SV2B: variants seen among roughly 807,000 people sequenced by gnomAD.
The protein encoded by SV2B is synaptic vesicle glycoprotein 2B.
In SV2B, 41 loss-of-function variants were observed where a neutral mutation model predicts 73.9. The ratio of observed to expected loss-of-function variants is 0.56; its 90% CI spans 0.43 to 0.72. SV2B has a LOEUF of 0.72. Ranked by LOEUF, SV2B falls within the 30% of genes least tolerant of loss-of-function variation. The pLI is 0.00. For missense variants in SV2B, 764 were observed against 857.8 expected (o/e 0.89, Z 1.37); for synonymous variants, 314 against 314.2 (o/e 1.00, Z 0.01).
In SV2B at chr15:91,252,955, G is replaced by A. The variant is rs1430100799; in HGVS notation, c.784+435G>A. On this transcript the variant is annotated intron_variant, in intron 4 of 12. Transcript: ENST00000394232. This position sits in a 1 kb window ranked among gnomAD's most constrained non-coding sequence, Gnocchi z 4.6. The stretch of plus-strand genomic sequence containing the variant: ...CCATGTCCCTGGCATGTGGTGGAGT[G>A]GGGGCTGGAGTCCTGATGTCCCCTC... Among the ~76,000 whole-genome samples the A allele has an allele frequency of 6.6e-6, 1 of 152,174 alleles. No homozygotes were observed. The highest frequency in any genetic ancestry group is 1.5e-5 in the Non-Finnish European group (1 of 68,034).
chr15:91,284,116 G>T lies in SV2B; in HGVS notation c.1603G>T (p.Asp535Tyr). Residue 535 changes from aspartate to tyrosine, a missense_variant, in exon 11 of 13, where the codon GAC (aspartate) becomes TAC (tyrosine). Transcript: ENST00000394232. The surrounding 1 kb of genome is among the most constrained non-coding windows in gnomAD (Gnocchi z 4.5). ...GCHMDLEQDNDFLIYLVSFLG... is the reference protein window; with the variant it reads ...GCHMDLEQDNYFLIYLVSFLG... Reference sequence around the variant, plus strand: ...CCACATGGACTTGGAGCAAGATAATGACTTCCTGATTTACCTCGTCAGCTT... The same window carrying T: ...CCACATGGACTTGGAGCAAGATAATTACTTCCTGATTTACCTCGTCAGCTT... 9.9e-6 allele frequency: 16 copies of T among 1,614,178 alleles called. No individual in the cohort carries two copies. The highest frequency in any genetic ancestry group is 1.4e-5 in the Non-Finnish European group (16 of 1,180,040).
chr15:91,198,124 G>T (rs960319683), intron 1 of SV2B, among the ~76,000 whole-genome samples: 2 of 152,182 alleles, frequency 1.3e-5, no homozygotes, highest in Non-Finnish European at 2.9e-5. Context: ...GTGAGGAAAA[G>T]AAAGGAGCCA....
chr15:91,246,783 C>A (rs559834442), intron 2 of SV2B, among the ~76,000 whole-genome samples: 1 of 151,798 alleles, frequency 6.6e-6, no homozygotes, highest in Non-Finnish European at 1.5e-5. Flanking sequence ...CTGCAAGTAG[C>A]AATCCTGGTT....
intron 1 of SV2B, among the ~76,000 whole-genome samples, chr15:91,199,304 C>T (rs565450362): frequency 1.2e-4 from 18 of 152,212 alleles, no homozygotes; most frequent in Non-Finnish European, 1.3e-4. Context: ...TAGGGAGTGA[C>T]CGGCAGTGAG....
Position 91,284,016 on chromosome 15 carries a change from C to T in SV2B, c.1508-5C>T. 6.2e-7 allele frequency: 1 copy of T among 1,614,130 alleles called. No individual in the cohort carries two copies. Among genetic ancestry groups the T allele is most frequent in the Non-Finnish European group, 8.5e-7 (1 of 1,180,014 alleles). On this transcript the variant is annotated splice_polypyrimidine_tract_variant and splice_region_variant and intron_variant, in intron 10 of 12. Coordinates refer to ENST00000394232, the MANE Select transcript of SV2B (RefSeq NM_001323032.3). This position sits in a 1 kb window ranked among gnomAD's most constrained non-coding sequence, Gnocchi z 4.5. ...CATGAACCGAAGGTTTCCTTCTCTCCCCAGACCTCTACGAGCACAAGTTCA... is the reference window on the plus strand; with the variant it reads ...CATGAACCGAAGGTTTCCTTCTCTCTCCAGACCTCTACGAGCACAAGTTCA...
At chr15:91,158,712 T>TTCCCTTC (rs2043596545) in intron 1 of SV2B, among the ~76,000 whole-genome samples, 3 of 96,358 alleles carry the variant, frequency 3.1e-5, no homozygotes, top group Non-Finnish European at 4.3e-5. Flanking sequence ...TCCTCTCCTC[T>TTCCCTTC]CCTCTCCTCT....
rs1332588623 is a variant in SV2B at position 91,139,754 on chromosome 15, T to G, written c.-392+39391T>G. On this transcript the variant is annotated intron_variant, in intron 1 of 12. Coordinates refer to ENST00000394232, the MANE Select transcript of SV2B (RefSeq NM_001323032.3). The surrounding 1 kb of genome is among the most constrained non-coding windows in gnomAD (Gnocchi z 5.2). ...TAGGGTGACTGTAACAATTATCATC[T>G]AAACTGAGACACTTTTGAGGATGCA... 6.6e-6 allele frequency among the ~76,000 whole-genome samples: 1 copy of G among 152,184 alleles called. No individual in the cohort carries two copies. Among genetic ancestry groups the G allele is most frequent in the Non-Finnish European group, 1.5e-5 (1 of 68,032 alleles).
chr15:91,143,032 C>T (rs75958546), intron 1 of SV2B, among the ~76,000 whole-genome samples: 48,824 of 151,980 alleles, frequency 0.32, 8,431 homozygotes, highest in Non-Finnish European at 0.38. Flanking sequence ...TCTTACTCAC[C>T]TGTGACAGCA....
intron 9 of SV2B, among the ~76,000 whole-genome samples, chr15:91,271,649 C>A (rs2048320964): frequency 1.3e-5 from 2 of 152,208 alleles, no homozygotes; most frequent in South Asian, 2.1e-4. Flanking sequence ...CCCTCCCCAG[C>A]AACTTGCTTG....
At chr15:91,216,306 C>T (rs191492184) in intron 1 of SV2B, among the ~76,000 whole-genome samples, 8 of 152,260 alleles carry the variant, frequency 5.3e-5, no homozygotes, top group Non-Finnish European at 1.0e-4. Context: ...TAACAAGTAA[C>T]TCAAGCAGTC....
intron 1 of SV2B, among the ~76,000 whole-genome samples, chr15:91,211,007 G>A (rs1330795516): frequency 6.6e-6 from 1 of 152,342 alleles, no homozygotes; most frequent in South Asian, 2.1e-4. Flanking sequence ...TGCCATTGAT[G>A]AAGACAGTGA....
At chr15:91,203,874 A>G (rs1241371725) in intron 1 of SV2B, among the ~76,000 whole-genome samples, 2 of 152,196 alleles carry the variant, frequency 1.3e-5, no homozygotes, top group Non-Finnish European at 2.9e-5. Flanking sequence ...CTCTCTCTGC[A>G]CAGCCTTTAG....
Position 91,213,279 on chromosome 15 carries a change from C to T in SV2B, c.-391-12594C>T, listed in dbSNP as rs530411445. On this transcript the variant is annotated intron_variant, in intron 1 of 12. Transcript: ENST00000394232. ...AGACTCATGGGCACATTTAACTTTT[C>T]CTCAAGCTGGTGTTACTTTCCAGTG... Among the ~76,000 whole-genome samples the T allele has an allele frequency of 7.9e-5, 12 of 152,314 alleles. No homozygotes were observed. The East Asian group carries it at 2.3e-3, about 29-fold the overall frequency.
At chr15:91,163,860 T>A (rs1038575748) in intron 1 of SV2B, among the ~76,000 whole-genome samples, 6 of 152,210 alleles carry the variant, frequency 3.9e-5, no homozygotes, top group African/African-American at 9.6e-5. Context: ...CTGAATGGTA[T>A]TGCCTAGGTT....
At chr15:91,188,406 C>T (rs537791450) in intron 1 of SV2B, among the ~76,000 whole-genome samples, 14 of 152,206 alleles carry the variant, frequency 9.2e-5, no homozygotes, top group African/African-American at 2.4e-4. Context: ...CTCCACTTCT[C>T]GGGCTCACGC....
Position 91,258,366 on chromosome 15 carries a change from C to T in SV2B, c.785-55C>T. 1 of 1,601,754 alleles carries T rather than the reference C, an allele frequency of 6.2e-7. No homozygotes were observed. Among genetic ancestry groups the T allele is most frequent in the South Asian group, 1.1e-5 (1 of 87,536 alleles). On this transcript the variant is annotated intron_variant, in intron 4 of 12. Transcript: ENST00000394232. This position sits in a 1 kb window ranked among gnomAD's most constrained non-coding sequence, Gnocchi z 4.7. ...GAGCCAGGGCTTCAGAGTCACTCTT[C>T]CGTAGAGGAAAAGATCATGTCCCAG... is the stretch of plus-strand genomic sequence containing the variant.
chr15:91,169,014 A>G (rs1053316838), intron 1 of SV2B, among the ~76,000 whole-genome samples: 8 of 152,186 alleles, frequency 5.3e-5, no homozygotes, highest in African/African-American at 1.9e-4. Context: ...GGGGCAGATG[A>G]TTTAAATTTT....
rs1441472442 is a variant in SV2B at position 91,127,152 on chromosome 15, A to G, written c.-392+26789A>G. ...TACCTACATTGCAGGTCTTTTTTTG[A>G]GGACTGAATGAATGTCAAGCTTCCA... On this transcript the variant is annotated intron_variant, in intron 1 of 12. Coordinates refer to ENST00000394232, the MANE Select transcript of SV2B (RefSeq NM_001323032.3). 3.3e-5 allele frequency among the ~76,000 whole-genome samples: 5 copies of G among 152,162 alleles called. No homozygotes were observed. In the East Asian group the frequency reaches 9.6e-4, roughly 29 times the overall value.
intron 6 of SV2B, among the ~76,000 whole-genome samples, chr15:91,264,486 G>A (rs1195156399): frequency 6.6e-6 from 1 of 152,178 alleles, no homozygotes; most frequent in Non-Finnish European, 1.5e-5. Context: ...GCCTCATTTG[G>A]ATTATTCCAG....
Sources: gnomAD v4.1 joint callset for allele counts (sites outside exome capture counted in the v4.1 genomes callset) on GRCh38, gnomAD v4.1.1 for gene constraint, Gnocchi (gnomAD v3.1) non-coding constraint, MANE v1.5 for transcripts, NCBI Gene and HGNC (gene_info 2026-07-23, HGNC 2026-07-21) for gene names.